Variants in ITPRIP observed in about 807,000 individuals in gnomAD.
ITPRIP encodes inositol 1,4,5-trisphosphate receptor-interacting protein.
Under a neutral mutation model 35.8 loss-of-function variants are expected in ITPRIP, and 32 were observed. The ratio of observed to expected loss-of-function variants is 0.89; its 90% CI spans 0.68 to 1.20. The LOEUF is 1.20. ITPRIP is among the 50% of genes most tolerant of loss of function. The probability of loss-of-function intolerance (pLI) is 0.00; values close to 1 mark genes in which losing one functional copy is unlikely to be tolerated. For missense variants in ITPRIP, 653 were observed against 735.6 expected, an observed-to-expected ratio of 0.89 and a Z score of 1.30; for synonymous variants, 358 against 324.0, an observed-to-expected ratio of 1.11 and a Z score of -1.13.
intron 1 of ITPRIP, chr10:104,323,410 T>C (rs1005876827): frequency 3.3e-5 from 5 of 152,384 alleles, no homozygotes; most frequent in Non-Finnish European, 7.3e-5. Context: ...CTGCAGTGCA[T>C]GGCTGAATGT....
At chr10:104,319,655 G>A (rs1411675809) in intron 1 of ITPRIP, among the ~76,000 whole-genome samples, 2 of 152,094 alleles carry the variant, frequency 1.3e-5, no homozygotes, top group African/African-American at 4.8e-5. Flanking sequence ...ACAGGCCGAG[G>A]CAGATAATAG....
rs2013647474 is a variant in ITPRIP at position 104,315,574 on chromosome 10, T to A, written c.478A>T (p.Thr160Ser). 1.2e-6 allele frequency: 2 copies of A among 1,613,844 alleles called. No individual in the cohort carries two copies. The highest frequency in any genetic ancestry group is 2.7e-5 in the African/African-American group (2 of 74,938). ...IRGATADAAR[T>S]REFLEGFVDD... ...ACGAAGCCTTCCAGGAACTCCCGGG[T>A]ACGGGCTGCATCGGCCGTGGCCCCC... The change falls in exon 2 of 2, where the codon ACC becomes TCC. Residue 160 changes from threonine to serine, a missense_variant. Coordinates refer to ENST00000337478, the MANE Select transcript of ITPRIP (RefSeq NM_001272013.2). This position sits in a 1 kb window ranked among gnomAD's most constrained non-coding sequence, Gnocchi z 5.7.
rs2014196006 is a variant in ITPRIP, at chr10:104,333,922, G to A, written c.-14+4324C>T. The A allele has an allele frequency of 6.6e-6, 1 of 152,228 alleles. No homozygotes were observed. Among genetic ancestry groups the A allele is most frequent in the Non-Finnish European group, 1.5e-5 (1 of 68,082 alleles). The allele number at this position is 152,228 out of a possible 1,614,324, so 9.4% of individuals were successfully genotyped here. Reference sequence around the variant, plus strand: ...AGAGCGCACACTGGCCAGGTTTCCAGTCTGCGCCAGGCACGGTGCTCAGAG... The same window carrying A: ...AGAGCGCACACTGGCCAGGTTTCCAATCTGCGCCAGGCACGGTGCTCAGAG... On this transcript the variant is annotated intron_variant, in intron 1 of 1. Coordinates refer to ENST00000337478, the MANE Select transcript of ITPRIP (RefSeq NM_001272013.2). The surrounding 1 kb of genome is among the most constrained non-coding windows in gnomAD (Gnocchi z 4.1).
At chr10:104,316,892 G>C (rs1159560944) in intron 1 of ITPRIP, among the ~76,000 whole-genome samples, 1 of 152,136 alleles carries the variant, frequency 6.6e-6, no homozygotes, top group Non-Finnish European at 1.5e-5. Flanking sequence ...AAAGCTGTGT[G>C]ACCCTGGGCA....
rs1452684311 is a variant in ITPRIP, at chr10:104,313,847, G to C, written c.*561C>G. 9.1e-6 allele frequency: 9 copies of C among 985,794 alleles called. No individual in the cohort carries two copies. Among genetic ancestry groups the C allele is most frequent in the Non-Finnish European group, 1.1e-5 (9 of 830,238 alleles). 61.1% of individuals were successfully genotyped at this position (985,794 alleles called of 1,614,324 possible). On this transcript the variant is annotated 3_prime_UTR_variant, in exon 2 of 2. Coordinates refer to ENST00000337478, the MANE Select transcript of ITPRIP (RefSeq NM_001272013.2). ...TTATACAAGGTCTTTTCTCCAAATA[G>C]TATAAAAAAGTGGCAGCCATGGTGG... is the stretch of plus-strand genomic sequence containing the variant.
At chr10:104,332,075 T>G (rs2014161220) in intron 1 of ITPRIP, among the ~76,000 whole-genome samples, 1 of 152,368 alleles carries the variant, frequency 6.6e-6, no homozygotes, top group Admixed American at 6.5e-5. Context: ...TCTTCTCTGT[T>G]GTTGTCCGTT....
chr10:104,324,936 ACTGG>A (rs1387317133), intron 1 of ITPRIP, among the ~76,000 whole-genome samples: 1 of 152,244 alleles, frequency 6.6e-6, no homozygotes, highest in East Asian at 1.9e-4. Context: ...TGTGAGCAAC[ACTGG>A]GTGCAGTGGC....
Position 104,326,101 on chromosome 10 carries a change from T to C in ITPRIP, c.-13-10037A>G, listed in dbSNP as rs1017490125. On this transcript the variant is annotated intron_variant, in intron 1 of 1. Transcript: ENST00000337478. The surrounding 1 kb of genome is among the most constrained non-coding windows in gnomAD (Gnocchi z 4.8). Reference sequence around the variant, plus strand: ...CTCTGGCCGGACTCACAGGAGGTGCTGCTCACACCCGTCCAAAGCATTAAG... The same window carrying C: ...CTCTGGCCGGACTCACAGGAGGTGCCGCTCACACCCGTCCAAAGCATTAAG... Among the ~76,000 whole-genome samples, 2 of 152,162 alleles carry C rather than the reference T, an allele frequency of 1.3e-5. No individual in the cohort carries two copies. The highest frequency in any genetic ancestry group is 6.5e-5 in the Admixed American group (1 of 15,276).
chr10:104,330,535 C>T (rs890460769), intron 1 of ITPRIP, among the ~76,000 whole-genome samples: 2 of 152,148 alleles, frequency 1.3e-5, no homozygotes, highest in Non-Finnish European at 2.9e-5. Context: ...GCTGCCTTGC[C>T]GTGGACACCT....
At position 104,315,305 on chromosome 10, in the gene ITPRIP, A is replaced by G; in HGVS notation, c.747T>C (p.Asp249=). 6.3e-7 allele frequency: 1 copy of G among 1,583,788 alleles called. No individual in the cohort carries two copies. The highest frequency in any genetic ancestry group is 2.2e-5 in the East Asian group (1 of 44,590). The part of the protein sequence containing the change: ...GYGQIKVVRA[D]GDTLSCICGK... ...CGCAGATGCAGCTCAATGTGTCCCC[A>G]TCGGCGCGGACCACCTTGATCTGGC... Residue 249 remains aspartate (D), a synonymous_variant, in exon 2 of 2, where the codon GAT becomes GAC. Coordinates refer to ENST00000337478, the MANE Select transcript of ITPRIP (RefSeq NM_001272013.2). The surrounding 1 kb of genome is among the most constrained non-coding windows in gnomAD (Gnocchi z 5.7).
chr10:104,315,594 G>C lies in ITPRIP; in HGVS notation c.458C>G (p.Ala153Gly). Reference sequence around the variant, plus strand: ...CCGGGTACGGGCTGCATCGGCCGTGGCCCCCCGGATGCAGCGCTCATAAAA... The same window carrying C: ...CCGGGTACGGGCTGCATCGGCCGTGCCCCCCCGGATGCAGCGCTCATAAAA... Reference protein sequence around the residue: ...GHFYERCIRGATADAARTREF... With the variant: ...GHFYERCIRGGTADAARTREF... Residue 153 changes from alanine (A) to glycine (G), a missense_variant, in exon 2 of 2, where the codon GCC becomes GGC. Coordinates refer to ENST00000337478, the MANE Select transcript of ITPRIP (RefSeq NM_001272013.2). The surrounding 1 kb of genome is among the most constrained non-coding windows in gnomAD (Gnocchi z 5.7). 6.2e-7 allele frequency: 1 copy of C among 1,613,510 alleles called. No individual in the cohort carries two copies. Among genetic ancestry groups the C allele is most frequent in the Non-Finnish European group, 8.5e-7 (1 of 1,179,972 alleles).
At chr10:104,329,713 A>G (rs1483621070) in intron 1 of ITPRIP, among the ~76,000 whole-genome samples, 1 of 152,126 alleles carries the variant, frequency 6.6e-6, no homozygotes, top group African/African-American at 2.4e-5. Flanking sequence ...TAAGGAGTCA[A>G]ACTCTGGAAT....
chr10:104,317,933 C>G (rs1229941141), intron 1 of ITPRIP, among the ~76,000 whole-genome samples: 1 of 152,242 alleles, frequency 6.6e-6, no homozygotes, highest in Non-Finnish European at 1.5e-5. Context: ...ACCCCATACA[C>G]AGCTGGACAG....
chr10:104,311,855 C>T lies in ITPRIP; in HGVS notation c.*2553G>A, dbSNP rs1011647711. The T allele has an allele frequency of 2.0e-5, 3 of 152,206 alleles. No individual in the cohort carries two copies. 9.4% of individuals were successfully genotyped at this position (152,206 alleles called of 1,614,324 possible). On this transcript the variant is annotated 3_prime_UTR_variant, in exon 2 of 2. Transcript: ENST00000337478. ...TGTTAGTTCCAGCTCCTATATTTCT[C>T]GCTGACATTAGCTCTGTGAAATAAG...
chr10:104,334,551 G>C (rs1312469337), intron 1 of ITPRIP, among the ~76,000 whole-genome samples: 2 of 152,170 alleles, frequency 1.3e-5, no homozygotes, highest in Admixed American at 6.5e-5. Context: ...AAACAAATAG[G>C]TAAATAAAAT....
rs535682239 is a variant in ITPRIP at position 104,315,690 on chromosome 10, T to C, written c.362A>G (p.Asp121Gly). 34 of 1,613,118 alleles carry C rather than the reference T, an allele frequency of 2.1e-5. No homozygotes were observed. The highest frequency in any genetic ancestry group is 6.7e-5 in the African/African-American group (5 of 74,894). The change falls in exon 2 of 2, where the codon GAT (aspartate) becomes GGT (glycine). Residue 121 changes from aspartate (D) to glycine (G), a missense_variant. Transcript: ENST00000337478. The surrounding 1 kb of genome is among the most constrained non-coding windows in gnomAD (Gnocchi z 5.7). ...GGCGCCCCCCAGCCCAGGCAGCTCA[T>C]CCTCCTCACCGCCCAGGCACTCAGG... ...PSPECLGGEEDELPGLGGAPL... is the reference protein window; with the variant it reads ...PSPECLGGEEGELPGLGGAPL...
At chr10:104,316,801 G>A (rs2013706324) in intron 1 of ITPRIP, among the ~76,000 whole-genome samples, 1 of 152,190 alleles carries the variant, frequency 6.6e-6, no homozygotes, top group Non-Finnish European at 1.5e-5. Context: ...TCTCCCAAGT[G>A]AATGTCATCT....
chr10:104,337,391 G>C (rs2014258749), intron 1 of ITPRIP, among the ~76,000 whole-genome samples: 1 of 152,234 alleles, frequency 6.6e-6, no homozygotes, highest in Non-Finnish European at 1.5e-5. Flanking sequence ...TCTACTAGTT[G>C]TGAAAGGGTG....
rs1455748489 is a variant in ITPRIP at position 104,311,266 on chromosome 10, A to G, written c.*3142T>C. On this transcript the variant is annotated 3_prime_UTR_variant, in exon 2 of 2. Coordinates refer to ENST00000337478, the MANE Select transcript of ITPRIP (RefSeq NM_001272013.2). ...CCAAGCAGGCTCATTGGCTTTTCCC[A>G]GGTCTATCTATCTTCCAATAGATCT... 6.6e-6 allele frequency: 1 copy of G among 152,206 alleles called. No homozygotes were observed. Among genetic ancestry groups the G allele is most frequent in the Non-Finnish European group, 1.5e-5 (1 of 68,038 alleles). 9.4% of individuals were successfully genotyped at this position (152,206 alleles called of 1,614,324 possible). A position where few individuals can be genotyped will look rare whatever the true frequency, so the allele number is the denominator to read the frequency against.
Sources: allele counts gnomAD v4.1 joint callset (sites outside exome capture counted in the v4.1 genomes callset), GRCh38; gene constraint gnomAD v4.1.1; non-coding constraint Gnocchi (gnomAD v3.1); transcripts MANE v1.5; gene names NCBI Gene and HGNC (gene_info 2026-07-23, HGNC 2026-07-21).